Variants in PDS5B observed in about 807,000 individuals in gnomAD.
PDS5B encodes the protein PDS5 cohesin associated factor B.
A neutral mutation model predicts 184.1 loss-of-function variants in PDS5B; 51 were observed. The observed-to-expected ratio is 0.28, with a 90% CI of 0.22 to 0.35. PDS5B has a LOEUF of 0.35. PDS5B is among the 10% of genes least tolerant of loss of function. The pLI, the probability that PDS5B is intolerant of heterozygous loss-of-function variation, is 1.00. For synonymous variants in PDS5B, 566 were observed against 569.2 expected, an observed-to-expected ratio of 0.99 and a Z score of 0.08; for missense variants, 1,180 against 1,723.3, an observed-to-expected ratio of 0.68 and a Z score of 5.58.
At chr13:32,756,241 C>T (rs1954173952) in intron 26 of PDS5B, among the ~76,000 whole-genome samples, 1 of 152,072 alleles carries the variant, frequency 6.6e-6, no homozygotes, top group Non-Finnish European at 1.5e-5. Context: ...CATTCCATTT[C>T]TTATCTTTTC....
At chr13:32,757,287 A>C (rs1313628726) in intron 26 of PDS5B, among the ~76,000 whole-genome samples, 1 of 152,212 alleles carries the variant, frequency 6.6e-6, no homozygotes, top group East Asian at 1.9e-4. Context: ...TTATATTTCT[A>C]AGTAGCCCCA....
At position 32,635,001 on chromosome 13, in the gene PDS5B, CTTTTTT is replaced by C. The variant is rs4057820; in HGVS notation, c.-19-13737_-19-13732del. ...ACCTCAGCAATATTTCTTACTGCCTCTTTTTTTTTTTTTTTTTTTTTAAAGAGGCCG... is the reference window on the plus strand; with the variant it reads ...ACCTCAGCAATATTTCTTACTGCCTCTTTTTTTTTTTTTTTAAAGAGGCCG... On this transcript the variant is annotated intron_variant, in intron 1 of 34. Coordinates refer to ENST00000315596, the MANE Select transcript of PDS5B (RefSeq NM_015032.4). Among the ~76,000 whole-genome samples the C allele has an allele frequency of 9.6e-4, 124 of 129,094 alleles. 1 individual carries two copies. The highest frequency in any genetic ancestry group is 3.5e-3 in the African/African-American group (120 of 34,218). The allele number at this position is 129,094 out of a possible 152,430, so 84.7% of individuals were successfully genotyped here.
rs766221676 is a variant in PDS5B at position 32,760,611 on chromosome 13, C to T, written c.3409C>T (p.Pro1137Ser). 4 of 1,613,820 alleles carry T rather than the reference C, an allele frequency of 2.5e-6. No homozygotes were observed. In the East Asian group the frequency reaches 6.7e-5, roughly 27 times the overall value. Residue 1137 changes from proline to serine, a missense_variant, in exon 30 of 35, where the codon CCA (proline) becomes TCA (serine). Physicochemically the swap from Pro to Ser is moderately conservative, Grantham distance 74. This residue lies in a region of PDS5B where 465 missense variants were observed against 497.8 expected (regional missense o/e 0.93). Transcript: ENST00000315596. ...TTNVLGAVNK[P>S]LSSAGKQSQT... is the part of the protein sequence containing the mutation. ...CAATGTTCTAGGAGCTGTTAACAAG[C>T]CACTTTCATCAGCAGGCAAGCAATC...
intron 7 of PDS5B, among the ~76,000 whole-genome samples, chr13:32,668,124 A>AC (rs1453464862): frequency 6.6e-6 from 1 of 152,168 alleles, no homozygotes; most frequent in East Asian, 1.9e-4. Flanking sequence ...GTTTGTTTCT[A>AC]CTGATAGAAA....
intron 15 of PDS5B, among the ~76,000 whole-genome samples, chr13:32,699,189 A>G: frequency 6.6e-6 from 1 of 152,190 alleles, no homozygotes; most frequent in Admixed American, 6.5e-5. Flanking sequence ...ATCATTTTTG[A>G]TTCTGCAAAG....
intron 21 of PDS5B, among the ~76,000 whole-genome samples, chr13:32,740,810 GTAAGAAGT>G (rs1242663838): frequency 6.6e-6 from 1 of 151,948 alleles, no homozygotes; most frequent in East Asian, 1.9e-4. Flanking sequence ...GGAGTGATGT[GTAAGAAGT>G]TAGAGTTAGT....
At chr13:32,734,765 C>T (rs538729047) in intron 20 of PDS5B, among the ~76,000 whole-genome samples, 1 of 152,336 alleles carries the variant, frequency 6.6e-6, no homozygotes, top group South Asian at 2.1e-4. Flanking sequence ...CATATATCCT[C>T]ACTTAACTGC....
At chr13:32,744,905 A>G (rs1429832619) in intron 23 of PDS5B, among the ~76,000 whole-genome samples, 1 of 152,214 alleles carries the variant, frequency 6.6e-6, no homozygotes, top group East Asian at 1.9e-4. Context: ...CAATAGACAT[A>G]GATTTGTTGC....
intron 21 of PDS5B, among the ~76,000 whole-genome samples, chr13:32,738,610 C>CTCATTTATGTGTGTCTT (rs1953424589): frequency 6.6e-6 from 1 of 152,150 alleles, no homozygotes; most frequent in African/African-American, 2.4e-5. Flanking sequence ...TGTGTAAAAC[C>CTCATTTATGTGTGTCTT]TCATTTATGT....
rs1295539623 is a variant in PDS5B at position 32,675,957 on chromosome 13, C to G, written c.960C>G (p.Gly320=). 19 of 1,596,324 alleles carry G rather than the reference C, an allele frequency of 1.2e-5. No individual in the cohort carries two copies. The highest frequency in any genetic ancestry group is 1.6e-5 in the Non-Finnish European group (19 of 1,164,238). ...QNKPLWQCYL[G]RFNDIHVPIR... is the part of the protein sequence containing the mutation. Reference sequence around the variant, plus strand: ...AGCCACTTTGGCAGTGCTACTTGGGCAGGTATATGATTTTGGTTTCCCATT... The same window carrying G: ...AGCCACTTTGGCAGTGCTACTTGGGGAGGTATATGATTTTGGTTTCCCATT... The change falls in exon 9 of 35, where the codon GGC becomes GGG. Residue 320 remains glycine, a splice_region_variant and synonymous_variant. Coordinates refer to ENST00000315596, the MANE Select transcript of PDS5B (RefSeq NM_015032.4).
At chr13:32,700,714 T>A (rs1158651023) in intron 16 of PDS5B, among the ~76,000 whole-genome samples, 1 of 152,170 alleles carries the variant, frequency 6.6e-6, no homozygotes, top group African/African-American at 2.4e-5. Context: ...ATAGTTTCTA[T>A]CTTTAGGTAA....
chr13:32,756,394 A>T (rs1490979357), intron 26 of PDS5B, among the ~76,000 whole-genome samples: 1 of 152,208 alleles, frequency 6.6e-6, no homozygotes, highest in African/African-American at 2.4e-5. Context: ...AATGGGCCAA[A>T]TTCGTAACTG....
intron 1 of PDS5B, among the ~76,000 whole-genome samples, chr13:32,646,678 T>C (rs1950236529): frequency 6.6e-6 from 1 of 152,144 alleles, no homozygotes; most frequent in African/African-American, 2.4e-5. Flanking sequence ...TCATTGTCTT[T>C]TAAGGTGTTT....
chr13:32,651,724 G>A (rs1593338699), intron 2 of PDS5B, 80 bp from the exon 3 acceptor site: 1 of 794,814 alleles, frequency 1.3e-6, no homozygotes, highest in Non-Finnish European at 2.1e-6. Context: ...GTTAACCTTA[G>A]CAATTAACAT....
chr13:32,665,605 A>C (rs889482591), intron 6 of PDS5B, among the ~76,000 whole-genome samples: 4 of 150,308 alleles, frequency 2.7e-5, no homozygotes, highest in Non-Finnish European at 5.9e-5. Context: ...AAAAAAAAAA[A>C]AAAAAAAAAG....
chr13:32,591,033 G>GT (rs1336411747), intron 1 of PDS5B, among the ~76,000 whole-genome samples: 1 of 151,490 alleles, frequency 6.6e-6, no homozygotes, highest in Non-Finnish European at 1.5e-5. Flanking sequence ...GTAATCCACT[G>GT]TTAACAGTTT....
At chr13:32,711,681 C>G (rs1248555039) in intron 19 of PDS5B, among the ~76,000 whole-genome samples, 1 of 152,158 alleles carries the variant, frequency 6.6e-6, no homozygotes, top group Non-Finnish European at 1.5e-5. Flanking sequence ...TTTAAGTAAT[C>G]CCAGAGCATA....
chr13:32,628,552 G>GAAA (rs35988429), intron 1 of PDS5B, among the ~76,000 whole-genome samples: 3 of 139,360 alleles, frequency 2.2e-5, no homozygotes, highest in African/African-American at 5.3e-5. Context: ...CCATCTCAGG[G>GAAA]AAAAAAAAAA....
chr13:32,699,997 C>A, intron 16 of PDS5B, 128 bp downstream of exon 16: 1 of 817,822 alleles, frequency 1.2e-6, no homozygotes, highest in Non-Finnish European at 1.8e-6. Flanking sequence ...TGCAGATAAA[C>A]TATAATTTCT....
Sources: gnomAD v4.1 joint callset for allele counts (sites outside exome capture counted in the v4.1 genomes callset) on GRCh38, gnomAD v4.1.1 for gene constraint, gnomAD v4.1.1 regional missense constraint, MANE v1.5 for transcripts, NCBI Gene and HGNC (gene_info 2026-07-23, HGNC 2026-07-21) for gene names.